TRABD2A: variants seen among roughly 807,000 people sequenced by gnomAD.
TRABD2A encodes TraB domain containing 2A, also known as metalloprotease TIKI1.
Under a neutral mutation model 45.6 loss-of-function variants are expected in TRABD2A, and 43 were observed. That is an observed-to-expected ratio of 0.94 (90% confidence interval 0.74 to 1.22). TRABD2A has a LOEUF of 1.22. Among genes scored for constraint, TRABD2A ranks in the 50% most tolerant of loss-of-function variants. The pLI, the probability that TRABD2A is intolerant of heterozygous loss-of-function variation, is 0.00. For synonymous variants in TRABD2A, 269 were observed against 265.0 expected, an observed-to-expected ratio of 1.02 and a Z score of -0.15; for missense variants, 642 against 652.4, an observed-to-expected ratio of 0.98 and a Z score of 0.17.
chr2:84,838,587 T>C (rs1442164198), intron 4 of TRABD2A, among the ~76,000 whole-genome samples: 7 of 152,232 alleles, frequency 4.6e-5, no homozygotes, highest in Non-Finnish European at 8.8e-5. Flanking sequence ...TCTTTCTGCA[T>C]ACTGTCCAGC....
chr2:84,832,325 G>A, intron 4 of TRABD2A, 180 bp from the exon 5 acceptor site: 2 of 606,332 alleles, frequency 3.3e-6, no homozygotes, highest in Admixed American at 2.8e-5. Context: ...AAGGCAGGCA[G>A]GGCAGCATCA....
chr2:84,830,746 T>C lies in TRABD2A; in HGVS notation c.1082+1309A>G, dbSNP rs59213150. On this transcript the variant is annotated intron_variant, in intron 5 of 6. Coordinates refer to ENST00000409520, the MANE Select transcript of TRABD2A (RefSeq NM_001277053.2). This position sits in a 1 kb window ranked among gnomAD's most constrained non-coding sequence, Gnocchi z 4.9. ...AGGTGGGGATGAGAGAAGTCCAGGA[T>C]GTATCCAGGATTTCCCGCCTGAAGG... 0.021 allele frequency among the ~76,000 whole-genome samples: 3,127 copies of C among 152,142 alleles called. 86 individuals carry two copies. Among genetic ancestry groups the C allele is most frequent in the African/African-American group, 0.067 (2,788 of 41,466 alleles).
rs772702756 is a variant in TRABD2A at position 84,824,030 on chromosome 2, G to GA, written c.1256dup (p.Arg420ProfsTer27). 3.1e-6 allele frequency: 5 copies of GA among 1,613,874 alleles called. No homozygotes were observed. Among genetic ancestry groups the GA allele is most frequent in the Non-Finnish European group, 4.2e-6 (5 of 1,179,842 alleles). On this transcript the variant is annotated frameshift_variant, in exon 6 of 7. Coordinates refer to ENST00000409520, the MANE Select transcript of TRABD2A (RefSeq NM_001277053.2). LOFTEE classifies it high-confidence loss of function. ...GCTGTGACCGCCTCCGCTTCTTCCG[G>GA]AACCTCTGTTCGGCCTCACTGGGCG... is the stretch of plus-strand genomic sequence containing the variant.
At chr2:84,856,431 C>G (rs1682306877) in intron 2 of TRABD2A, among the ~76,000 whole-genome samples, 1 of 152,112 alleles carries the variant, frequency 6.6e-6, no homozygotes, top group African/African-American at 2.4e-5. Flanking sequence ...CTGCCAGACT[C>G]GGGAGCTAAA....
At chr2:84,862,851 A>C (rs1559095620) in intron 2 of TRABD2A, among the ~76,000 whole-genome samples, 1 of 150,564 alleles carries the variant, frequency 6.6e-6, no homozygotes, top group East Asian at 1.9e-4. Context: ...CTGCGAGCCC[A>C]GGAGCTTCAC....
intron 4 of TRABD2A, 62 bp from the exon 5 acceptor site, chr2:84,832,207 A>C: frequency 6.5e-7 from 1 of 1,547,164 alleles, no homozygotes; most frequent in Non-Finnish European, 8.9e-7. Context: ...ATACTCCCCA[A>C]ACACACACCC....
rs560990814 is a variant in TRABD2A, at chr2:84,839,090, T to G, written c.991+59A>C. Reference sequence around the variant, plus strand: ...CCTAAGCAGGGGCTCACCTCAACATTCCCTTCTTGGGAGAAGCCTCAGATT... The same window carrying G: ...CCTAAGCAGGGGCTCACCTCAACATGCCCTTCTTGGGAGAAGCCTCAGATT... On this transcript the variant is annotated intron_variant, in intron 4 of 6. Transcript: ENST00000409520. 1.8e-5 allele frequency: 28 copies of G among 1,592,388 alleles called. No individual in the cohort carries two copies. In the South Asian group the frequency reaches 3.0e-4, roughly 17 times the overall value.
chr2:84,874,724 C>CA, intron 1 of TRABD2A: 5 of 231,100 alleles, frequency 2.2e-5, no homozygotes, highest in South Asian at 7.3e-5. Flanking sequence ...CGTCTGTCTC[C>CA]AAAAAAGGTT....
At chr2:84,868,832 T>C (rs1239120718) in intron 2 of TRABD2A, among the ~76,000 whole-genome samples, 1 of 152,218 alleles carries the variant, frequency 6.6e-6, no homozygotes, top group Non-Finnish European at 1.5e-5. Context: ...ATTCATTCCG[T>C]CAAAATCAAT....
chr2:84,865,378 A>C (rs1682643012), intron 2 of TRABD2A, among the ~76,000 whole-genome samples: 1 of 152,234 alleles, frequency 6.6e-6, no homozygotes, highest in South Asian at 2.1e-4. Context: ...ATAACAAAGA[A>C]GTGATGCTTT....
intron 2 of TRABD2A, among the ~76,000 whole-genome samples, chr2:84,862,372 A>G (rs193142844): frequency 2.6e-5 from 4 of 152,320 alleles, no homozygotes; most frequent in South Asian, 4.2e-4. Flanking sequence ...TCCACCAAGC[A>G]GGTGTCAAGG....
chr2:84,880,770 G>GT (rs986965540), intron 1 of TRABD2A, among the ~76,000 whole-genome samples, 162 bp downstream of exon 1: 2 of 152,242 alleles, frequency 1.3e-5, no homozygotes, highest in Non-Finnish European at 2.9e-5. Flanking sequence ...GAACCCGAGG[G>GT]CACGGAGAGG....
chr2:84,861,823 G>A (rs959880044), intron 2 of TRABD2A, among the ~76,000 whole-genome samples: 4 of 152,222 alleles, frequency 2.6e-5, no homozygotes, highest in African/African-American at 9.7e-5. Flanking sequence ...AGCTCAGTGT[G>A]AGCTGCAGTT....
chr2:84,856,228 G>C (rs1410014519), intron 2 of TRABD2A, among the ~76,000 whole-genome samples: 1 of 151,996 alleles, frequency 6.6e-6, no homozygotes, highest in East Asian at 1.9e-4. Context: ...TCTGGTCCTT[G>C]CCTCCCCACC....
In TRABD2A at chr2:84,847,304, CTTACATAA is replaced by C. The variant is rs1351687945; in HGVS notation, c.670-5305_670-5298del. Reference sequence around the variant, plus strand: ...ATAGAACTAATGACTGTCAGTCATCCTTACATAATTTACTCTCCTTGCTGTGCTTGGAG... The same window carrying C: ...ATAGAACTAATGACTGTCAGTCATCCTTTACTCTCCTTGCTGTGCTTGGAG... On this transcript the variant is annotated intron_variant, in intron 2 of 6. Coordinates refer to ENST00000409520, the MANE Select transcript of TRABD2A (RefSeq NM_001277053.2). Among the ~76,000 whole-genome samples the C allele has an allele frequency of 5.7e-4, 87 of 152,322 alleles. 1 individual carries two copies. The highest frequency in any genetic ancestry group is 2.2e-4 in the Non-Finnish European group (15 of 68,016).
chr2:84,831,622 C>T (rs1011726106), intron 5 of TRABD2A, among the ~76,000 whole-genome samples: 2 of 152,130 alleles, frequency 1.3e-5, no homozygotes, highest in African/African-American at 4.8e-5. Flanking sequence ...AAGGGTGAGA[C>T]ATGCACTCCC....
intron 5 of TRABD2A, among the ~76,000 whole-genome samples, chr2:84,827,017 G>A (rs1371552515): frequency 6.6e-6 from 1 of 152,168 alleles, no homozygotes; most frequent in Admixed American, 6.5e-5. Context: ...GTCAATAGAG[G>A]TGGCTGCTCT....
At chr2:84,849,253 G>A (rs191141624) in intron 2 of TRABD2A, among the ~76,000 whole-genome samples, 1 of 152,198 alleles carries the variant, frequency 6.6e-6, no homozygotes, top group East Asian at 1.9e-4. Flanking sequence ...AGACAATCCT[G>A]TAAGGATTCA....
chr2:84,854,807 A>G (rs374920960), intron 2 of TRABD2A, among the ~76,000 whole-genome samples: 1 of 151,942 alleles, frequency 6.6e-6, no homozygotes, highest in Non-Finnish European at 1.5e-5. Context: ...CCTCAAATTC[A>G]CCCTTCCTGT....
Sources: gnomAD v4.1 joint callset for allele counts (sites outside exome capture counted in the v4.1 genomes callset) on GRCh38, gnomAD v4.1.1 for gene constraint, Gnocchi (gnomAD v3.1) non-coding constraint, MANE v1.5 for transcripts, NCBI Gene and HGNC (gene_info 2026-07-23, HGNC 2026-07-21) for gene names.